The following ARHGEF3 variants were observed in gnomAD, a reference collection of about 807,000 sequenced individuals.
The protein encoded by ARHGEF3 is 59.8 kDA protein.
Under a neutral mutation model 63.2 loss-of-function variants are expected in ARHGEF3, and 28 were observed. The ratio of observed to expected loss-of-function variants is 0.44; its 90% confidence interval spans 0.33 to 0.61. The LOEUF (loss-of-function observed/expected upper bound fraction) is 0.61, where lower values mean the gene tolerates loss of function less well. ARHGEF3 is among the 20% of genes least tolerant of loss of function. The pLI, the probability that ARHGEF3 is intolerant of heterozygous loss-of-function variation, is 0.03. For missense variants in ARHGEF3, 533 were observed against 659.3 expected, an observed-to-expected ratio of 0.81 and a Z score of 2.10; for synonymous variants, 266 against 254.2, an observed-to-expected ratio of 1.05 and a Z score of -0.44.
chr3:57,074,403 T>C (rs1706112601), intron 1 of ARHGEF3: 2 of 732,894 alleles, frequency 2.7e-6, no homozygotes, highest in East Asian at 2.6e-5. Context: ...TTCTTAGATA[T>C]CACTTTTTCC....
Position 56,975,246 on chromosome 3 carries a change from C to T in ARHGEF3, c.63-16357G>A, listed in dbSNP as rs111322017. ...TAGCTTGGCCAACATGGTGAAATTC[C>T]GTCTCTACTAAAAATTCAAAAATTA... On this transcript the variant is annotated intron_variant, in intron 2 of 12. Transcript: ENST00000338458. 4.7e-3 allele frequency among the ~76,000 whole-genome samples: 712 copies of T among 152,094 alleles called. 7 individuals carry two copies. The highest frequency in any genetic ancestry group is 0.016 in the African/African-American group (654 of 41,486).
chr3:56,967,345 ATATAT>A (rs1443389684), intron 2 of ARHGEF3, among the ~76,000 whole-genome samples: 2 of 105,752 alleles, frequency 1.9e-5, no homozygotes, highest in Non-Finnish European at 1.7e-5. Context: ...TGTACATATC[ATATAT>A]TATATAATAT....
chr3:56,757,559 C>T (rs567326616), intron 2 of ARHGEF3, among the ~76,000 whole-genome samples: 2 of 152,202 alleles, frequency 1.3e-5, no homozygotes, highest in South Asian at 4.1e-4. Context: ...AACACCCCTT[C>T]TATGTAGCCT....
At chr3:56,949,173 T>C (rs1699673942) in intron 3 of ARHGEF3, among the ~76,000 whole-genome samples, 1 of 151,758 alleles carries the variant, frequency 6.6e-6, no homozygotes, top group African/African-American at 2.4e-5. Flanking sequence ...GCCAATATCA[T>C]ACTGAATGGG....
chr3:56,747,586 A>C (rs1035573328), intron 6 of ARHGEF3, among the ~76,000 whole-genome samples: 2 of 152,186 alleles, frequency 1.3e-5, no homozygotes, highest in African/African-American at 4.8e-5. Context: ...GCCTGTAATC[A>C]TATTACTTTG....
At chr3:56,929,902 G>A (rs2042365912) in intron 3 of ARHGEF3, among the ~76,000 whole-genome samples, 1 of 152,082 alleles carries the variant, frequency 6.6e-6, no homozygotes, top group East Asian at 1.9e-4. Context: ...GATCCTCTGA[G>A]GTATAAAAAA....
At chr3:56,787,529 A>G (rs1034395464) in intron 1 of ARHGEF3, among the ~76,000 whole-genome samples, 4 of 152,096 alleles carry the variant, frequency 2.6e-5, no homozygotes, top group African/African-American at 9.7e-5. Flanking sequence ...GCTCTCATCT[A>G]TGCCATACAG....
intron 1 of ARHGEF3, among the ~76,000 whole-genome samples, chr3:57,059,891 G>A (rs1048548314): frequency 2.0e-5 from 3 of 152,282 alleles, no homozygotes; most frequent in African/African-American, 7.2e-5. Context: ...AGCTACTCGG[G>A]AGGCTGAGGC....
chr3:56,985,643 T>G (rs1313016276), intron 2 of ARHGEF3, among the ~76,000 whole-genome samples: 1 of 152,160 alleles, frequency 6.6e-6, no homozygotes, highest in East Asian at 1.9e-4. Context: ...AAACTGAGGT[T>G]CTGAGAGGGG....
intron 3 of ARHGEF3, among the ~76,000 whole-genome samples, chr3:56,901,229 A>G (rs1436163960): frequency 6.6e-6 from 1 of 152,170 alleles, no homozygotes; most frequent in Non-Finnish European, 1.5e-5. Context: ...TACATGGATA[A>G]ATGAATAAAG....
At chr3:56,966,963 A>G (rs1348920054) in intron 2 of ARHGEF3, among the ~76,000 whole-genome samples, 3 of 150,790 alleles carry the variant, frequency 2.0e-5, no homozygotes. Flanking sequence ...TCCTGGGTTC[A>G]AGTGATTCTC....
chr3:57,062,741 A>C (rs1363431407), intron 1 of ARHGEF3, among the ~76,000 whole-genome samples: 1 of 152,200 alleles, frequency 6.6e-6, no homozygotes, highest in Non-Finnish European at 1.5e-5. Flanking sequence ...ACACACACAT[A>C]CATACACATA....
intron 3 of ARHGEF3, among the ~76,000 whole-genome samples, chr3:56,944,568 CTTTTT>C (rs1205155655): frequency 4.6e-5 from 3 of 65,838 alleles, no homozygotes; most frequent in South Asian, 1.6e-3. Context: ...AAAGTGGTTT[CTTTTT>C]TTTTTTTTTT....
chr3:57,012,551 A>G (rs1248334701), intron 2 of ARHGEF3, among the ~76,000 whole-genome samples: 1 of 152,168 alleles, frequency 6.6e-6, no homozygotes, highest in Non-Finnish European at 1.5e-5. Flanking sequence ...GAGCCACTGC[A>G]CGTGGCCACT....
At chr3:56,891,673 T>C (rs2041127121) in intron 3 of ARHGEF3, among the ~76,000 whole-genome samples, 2 of 152,080 alleles carry the variant, frequency 1.3e-5, no homozygotes, top group Non-Finnish European at 2.9e-5. Flanking sequence ...ACCTATAAAA[T>C]GGGGACACGA....
At chr3:56,907,068 G>A (rs2041709293) in intron 3 of ARHGEF3, among the ~76,000 whole-genome samples, 1 of 132,730 alleles carries the variant, frequency 7.5e-6, no homozygotes. Flanking sequence ...TGCAACCTCT[G>A]CCTCCTGGGT....
At chr3:56,968,296 A>AT (rs1375293429) in intron 2 of ARHGEF3, among the ~76,000 whole-genome samples, 12 of 43,206 alleles carry the variant, frequency 2.8e-4, no homozygotes, top group Non-Finnish European at 4.8e-4. Flanking sequence ...TAATATATAT[A>AT]ATATATAATA....
At chr3:56,756,627 G>A (rs2035085740) in intron 2 of ARHGEF3, among the ~76,000 whole-genome samples, 1 of 140,942 alleles carries the variant, frequency 7.1e-6, no homozygotes, top group Non-Finnish European at 1.5e-5. Flanking sequence ...TCGGCTCACT[G>A]CAAGCCCCGC....
chr3:57,045,126 G>C (rs1240761778), intron 1 of ARHGEF3, among the ~76,000 whole-genome samples: 1 of 152,108 alleles, frequency 6.6e-6, no homozygotes. Flanking sequence ...AATTAGCTGG[G>C]CGTGGTGGCG....
Sources: allele counts gnomAD v4.1 joint callset (sites outside exome capture counted in the v4.1 genomes callset), GRCh38; gene constraint gnomAD v4.1.1; transcripts MANE v1.5; gene names NCBI Gene and HGNC (gene_info 2026-07-23, HGNC 2026-07-21).